The following NLRP1 variants were observed in gnomAD, a reference collection of about 807,000 sequenced individuals.
The protein encoded by NLRP1 is NACHT, LRR and PYD domains-containing protein 1.
In NLRP1, 94 loss-of-function variants were observed where a neutral mutation model predicts 136.7. That is an observed-to-expected ratio of 0.69 (90% CI 0.58 to 0.82). The LOEUF (loss-of-function observed/expected upper bound fraction) is 0.82. NLRP1 is among the 40% of genes least tolerant of loss of function. NLRP1 has a pLI of 0.00. For synonymous variants in NLRP1, 690 were observed against 725.1 expected (o/e 0.95, Z 0.78); for missense variants, 1,575 against 1,802.7 (o/e 0.87, Z 2.29).
chr17:5,531,838 C>A (rs568623292), intron 11 of NLRP1, among the ~76,000 whole-genome samples: 28 of 152,264 alleles, frequency 1.8e-4, no homozygotes, highest in East Asian at 1.4e-3. Flanking sequence ...GTCCTTAGCT[C>A]ATTAGTGGCT....
intron 15 of NLRP1, chr17:5,505,957 CCTCTT>C (rs1907310225): frequency 6.6e-6 from 1 of 152,176 alleles, no homozygotes; most frequent in Admixed American, 6.6e-5. Flanking sequence ...TTTGTTCTGT[CCTCTT>C]CTCTTTGTGC....
intron 12 of NLRP1, chr17:5,529,856 C>T (rs1378687230): frequency 5.2e-6 from 2 of 383,766 alleles, no homozygotes; most frequent in African/African-American, 2.1e-5. Context: ...TGGTATCTGT[C>T]GTTTCTGCTG....
Position 5,559,334 on chromosome 17 carries a change from G to A in NLRP1, c.1362C>T (p.Phe454=), listed in dbSNP as rs2001363. The change falls in exon 4 of 17, where the codon TTC becomes TTT. Residue 454 remains phenylalanine (F), a synonymous_variant. Coordinates refer to ENST00000572272, the MANE Select transcript of NLRP1 (RefSeq NM_033004.4). The stretch of plus-strand genomic sequence containing the variant: ...GAGCTGTGGTCCGAGCCGTGATCAG[G>A]AAGGATGCCTCGGGAAGTATAGTTT... ...LGKTILPEAS[F]LITARTTALQ... The A allele has an allele frequency of 0.048, 77,993 of 1,613,940 alleles. 2,274 individuals are homozygous for A. Among genetic ancestry groups the A allele is most frequent in the African/African-American group, 0.11 (8,470 of 74,998 alleles).
intron 4 of NLRP1, among the ~76,000 whole-genome samples, chr17:5,556,116 A>C (rs1179489364): frequency 3.2e-4 from 5 of 15,400 alleles, no homozygotes; most frequent in Non-Finnish European, 5.0e-4. Flanking sequence ...CTCTCTCTCT[A>C]CACACACACA....
chr17:5,547,373 A>G (rs1912810169), intron 5 of NLRP1, among the ~76,000 whole-genome samples: 1 of 152,216 alleles, frequency 6.6e-6, no homozygotes, highest in Non-Finnish European at 1.5e-5. Flanking sequence ...ATTAATGAGT[A>G]AACTGAAACT....
At chr17:5,513,381 C>T (rs979007827), downstream of NLRP1, among the ~76,000 whole-genome samples, 1 of 152,188 alleles carries the variant, frequency 6.6e-6, no homozygotes, top group African/African-American at 2.4e-5. Flanking sequence ...CATGAGCCAC[C>T]ATGCTTGGCT....
chr17:5,533,378 G>A lies in NLRP1; in HGVS notation c.3059C>T (p.Ala1020Val), dbSNP rs777794047. 46 of 1,158,248 alleles carry A rather than the reference G, an allele frequency of 4.0e-5. No individual in the cohort carries two copies. Among genetic ancestry groups the A allele is most frequent in the South Asian group, 3.9e-4 (30 of 76,332 alleles). 71.7% of individuals were successfully genotyped at this position (1,158,248 alleles called of 1,614,324 possible). A position where few individuals can be genotyped will look rare whatever the true frequency, so the allele number is the denominator to read the frequency against. ...ATTAGCCTGAGCAACATGGGAAGCC[G>A]CCCTCTCTACAGAAAAAAGAAAAAT... ...LKRQRLGSER[A>V]ASHVAQANLK... is the part of the protein sequence containing the mutation. Residue 1020 changes from alanine to valine, a missense_variant, in exon 10 of 17, where the codon GCG becomes GTG. Physicochemically the swap from Ala to Val is moderately conservative, Grantham distance 64. Coordinates refer to ENST00000572272, the MANE Select transcript of NLRP1 (RefSeq NM_033004.4).
chr17:5,520,716 T>C (rs1908783776), intron 14 of NLRP1, among the ~76,000 whole-genome samples, 165 bp downstream of exon 14: 1 of 152,156 alleles, frequency 6.6e-6, no homozygotes, highest in Non-Finnish European at 1.5e-5. Context: ...CGAACTTTCT[T>C]TCTCCTAGTC....
chr17:5,534,102 C>G (rs557523237), intron 8 of NLRP1, 114 bp from the exon 9 acceptor site: 21 of 787,802 alleles, frequency 2.7e-5, no homozygotes, highest in South Asian at 2.5e-4. Flanking sequence ...TGGCTCATGT[C>G]TGTAATCCTC....
Position 5,582,729 on chromosome 17 carries a change from T to G in NLRP1, c.389A>C (p.Gln130Pro). The G allele has an allele frequency of 1.9e-6, 3 of 1,614,144 alleles. No individual in the cohort carries two copies. The highest frequency in any genetic ancestry group is 2.5e-6 in the Non-Finnish European group (3 of 1,180,028). Residue 130 changes from glutamine to proline, a missense_variant, in exon 2 of 17, where the codon CAG becomes CCG. Physicochemically the swap from Gln to Pro is moderately conservative, Grantham distance 76. Coordinates refer to ENST00000572272, the MANE Select transcript of NLRP1 (RefSeq NM_033004.4). ...TCTCAAAACCCTTCTCTCTGAGCCC[T>G]GGGTGCACCCCGCCGGCAATTCATG... is the stretch of plus-strand genomic sequence containing the variant. ...WIHELPAGCTQGSERRVLRQL... is the reference protein window; with the variant it reads ...WIHELPAGCTPGSERRVLRQL...
rs1907228619 is a variant in NLRP1, at chr17:5,504,222, C to G, written c.4070-2350G>C. On this transcript the variant is annotated intron_variant, in intron 15 of 15. Coordinates refer to the NLRP1 transcript ENST00000262467. This position sits in a 1 kb window ranked among gnomAD's most constrained non-coding sequence, Gnocchi z 4.4. The stretch of plus-strand genomic sequence containing the variant: ...CAACATTTCTGCAGAGATGGTCTCA[C>G]TTAATTTTCATGACCCCCTAAATTA... 1 of 152,824 alleles carries G rather than the reference C, an allele frequency of 6.5e-6. No individual in the cohort carries two copies. The highest frequency in any genetic ancestry group is 2.4e-5 in the African/African-American group (1 of 41,454). 9.5% of individuals were successfully genotyped at this position (152,824 alleles called of 1,614,324 possible).
intron 3 of NLRP1, 42 bp from the exon 4 acceptor site, chr17:5,560,085 A>C (rs1405732328): frequency 6.8e-7 from 1 of 1,471,950 alleles, no homozygotes. Context: ...GGTAGAGAAT[A>C]GAAGAATTAA....
Position 5,559,539 on chromosome 17 carries a change from T to C in NLRP1, c.1157A>G (p.Lys386Arg), listed in dbSNP as rs1161237983. The C allele has an allele frequency of 6.2e-7, 1 of 1,614,044 alleles. No individual in the cohort carries two copies. Among genetic ancestry groups the C allele is most frequent in the African/African-American group, 1.3e-5 (1 of 74,934 alleles). ...GGGAGCCGGAGTGGCTGTCCCATCT[T>C]TTCCGATGAGCTCAGCGAGACTCAC... ...KVVSLAELIGKDGTATPAPIR... is the reference protein window; with the variant it reads ...KVVSLAELIGRDGTATPAPIR... Residue 386 changes from lysine (K) to arginine (R), a missense_variant, in exon 4 of 17, where the codon AAA (lysine) becomes AGA (arginine). Lys to Arg is a conservative substitution (Grantham distance 26). Coordinates refer to ENST00000572272, the MANE Select transcript of NLRP1 (RefSeq NM_033004.4).
rs186951687 is a variant in NLRP1 at position 5,572,067 on chromosome 17, C to T, written c.652+9792G>A. Among the ~76,000 whole-genome samples, 4 of 152,244 alleles carry T rather than the reference C, an allele frequency of 2.6e-5. No individual in the cohort carries two copies. In the East Asian group the frequency reaches 7.7e-4, roughly 29 times the overall value. The stretch of plus-strand genomic sequence containing the variant: ...CCATATGCAGAAGACTGAAACTGGA[C>T]CCCTTCCTGATACTATATACAAAGA... On this transcript the variant is annotated intron_variant, in intron 3 of 16. Coordinates refer to ENST00000572272, the MANE Select transcript of NLRP1 (RefSeq NM_033004.4).
At chr17:5,533,063 CCCTTCCCAAGGCTGG>C in intron 10 of NLRP1, 79 bp from the exon 11 acceptor site, 10 of 1,495,270 alleles carry the variant, frequency 6.7e-6, no homozygotes, top group Non-Finnish European at 8.1e-6. Flanking sequence ...CTGTAAGGGG[CCCTTCCCAAGGCTGG>C]CCTGCCTGGA....
At position 5,533,864 on chromosome 17, in the gene NLRP1, C is replaced by T. The variant is rs200632797; in HGVS notation, c.3052+33G>A. 28 of 1,448,156 alleles carry T rather than the reference C, an allele frequency of 1.9e-5. No individual in the cohort carries two copies. In the African/African-American group the frequency reaches 2.8e-4, roughly 14 times the overall value. The allele number at this position is 1,448,156 out of a possible 1,614,324, so 89.7% of individuals were successfully genotyped here. A position where few individuals can be genotyped will look rare whatever the true frequency, so the allele number is the denominator to read the frequency against. ...ACAGCTGACCTCCCCCAACCCCTGT[C>T]ACGATGCTCCCAGCCTTGCCCCTTC... On this transcript the variant is annotated intron_variant, in intron 9 of 16. Coordinates refer to ENST00000572272, the MANE Select transcript of NLRP1 (RefSeq NM_033004.4).
At chr17:5,520,578 T>C (rs1299753051) in intron 14 of NLRP1, among the ~76,000 whole-genome samples, 1 of 152,176 alleles carries the variant, frequency 6.6e-6, no homozygotes, top group Admixed American at 6.5e-5. Flanking sequence ...AGCCAGTATG[T>C]TCAACTACAG....
chr17:5,567,418 A>C (rs1476460507), intron 3 of NLRP1, among the ~76,000 whole-genome samples: 2 of 151,578 alleles, frequency 1.3e-5, no homozygotes, highest in Non-Finnish European at 2.9e-5. Flanking sequence ...TATTTGGATA[A>C]ACAAATAAAC....
chr17:5,513,561 G>A (rs1367101840), downstream of NLRP1, among the ~76,000 whole-genome samples: 2 of 152,236 alleles, frequency 1.3e-5, no homozygotes, highest in Admixed American at 6.5e-5. Context: ...TCCAGCCTGT[G>A]CCACTGCAGA....
Sources: allele counts gnomAD v4.1 joint callset (sites outside exome capture counted in the v4.1 genomes callset), GRCh38; gene constraint gnomAD v4.1.1; non-coding constraint Gnocchi (gnomAD v3.1); transcripts MANE v1.5; gene names NCBI Gene and HGNC (gene_info 2026-07-23, HGNC 2026-07-21).